MCRIP2: variants seen among roughly 807,000 people sequenced by gnomAD.
The protein encoded by MCRIP2 is MAPK regulated co-repressor interacting protein 2.
Under a neutral mutation model 23.2 loss-of-function variants are expected in MCRIP2, and 21 were observed. The ratio of observed to expected loss-of-function variants is 0.90; its 90% confidence interval spans 0.64 to 1.30. MCRIP2 has a LOEUF of 1.30. Among genes scored for constraint, MCRIP2 ranks in the 50% most tolerant of loss-of-function variants. MCRIP2 has a pLI of 0.00. For missense variants in MCRIP2, 234 were observed against 223.2 expected (o/e 1.05, Z -0.31); for synonymous variants, 121 against 100.2 (o/e 1.21, Z -1.24).
intron 2 of MCRIP2, among the ~76,000 whole-genome samples, chr16:644,428 G>C (rs8049999): frequency 0.047 from 7,116 of 151,998 alleles, 458 homozygotes; most frequent in African/African-American, 0.15. Context: ...CACCCACCTC[G>C]CTGTTTTTTA....
rs1344731999 is a variant in MCRIP2 at position 646,209 on chromosome 16, T to C, written c.183-1208T>C. 3 of 152,240 alleles carry C rather than the reference T, an allele frequency of 2.0e-5. No individual in the cohort carries two copies. Among genetic ancestry groups the C allele is most frequent in the Non-Finnish European group, 4.4e-5 (3 of 68,046 alleles). 9.4% of individuals were successfully genotyped at this position (152,240 alleles called of 1,614,324 possible). A position where few individuals can be genotyped will look rare whatever the true frequency, so the allele number is the denominator to read the frequency against. ...GGCAATGTTCTTGTCTTCTTAGACA[T>C]TGATAATCCAACCTCCAAGCTTTCT... On this transcript the variant is annotated intron_variant, in intron 2 of 4. Transcript: ENST00000307650. This position sits in a 1 kb window ranked among gnomAD's most constrained non-coding sequence, Gnocchi z 6.5.
Position 648,303 on chromosome 16 carries a change from C to T in MCRIP2, c.*113C>T, listed in dbSNP as rs892595927. ...GTGCCGGCCACACCTGAAGTGCCAG[C>T]ATTTGGACTTTTGCACCTTTTTTTC... On this transcript the variant is annotated 3_prime_UTR_variant, in exon 5 of 5. Transcript: ENST00000307650. 7.3e-6 allele frequency: 8 copies of T among 1,101,518 alleles called. No individual in the cohort carries two copies. In the African/African-American group the frequency reaches 1.2e-4, roughly 17 times the overall value. 68.2% of individuals were successfully genotyped at this position (1,101,518 alleles called of 1,614,324 possible). A position where few individuals can be genotyped will look rare whatever the true frequency, so the allele number is the denominator to read the frequency against.
chr16:644,657 A>G (rs1272006800), intron 2 of MCRIP2, among the ~76,000 whole-genome samples: 2 of 152,000 alleles, frequency 1.3e-5, no homozygotes, highest in Non-Finnish European at 2.9e-5. Context: ...CCAGGGTAGT[A>G]TTCAATTCCT....
chr16:648,021 G>A (rs552460180), intron 4 of MCRIP2, 99 bp from the exon 5 acceptor site: 542 of 1,296,456 alleles, frequency 4.2e-4, no homozygotes, highest in Admixed American at 1.1e-3. Flanking sequence ...AGCGCCTGCC[G>A]CACTCGGAGT....
intron 1 of MCRIP2, 25 bp from the exon 2 acceptor site, chr16:642,095 G>A: frequency 3.0e-6 from 4 of 1,323,762 alleles, no homozygotes; most frequent in South Asian, 2.0e-5. Flanking sequence ...CGCGGCGGCG[G>A]CTGACCGCCC....
chr16:643,540 CTTTTTTTTTT>C (rs869168510), intron 2 of MCRIP2, among the ~76,000 whole-genome samples: 14 of 119,426 alleles, frequency 1.2e-4, no homozygotes, highest in African/African-American at 4.5e-4. Flanking sequence ...GCTGTTGTCT[CTTTTTTTTTT>C]TTTTTTTTTT....
intron 3 of MCRIP2, 77 bp downstream of exon 3, chr16:647,621 G>A: frequency 1.3e-6 from 2 of 1,582,628 alleles, no homozygotes; most frequent in Non-Finnish European, 8.6e-7. Context: ...CCCACTTCAA[G>A]CTGACCCACA....
rs1273598190 is a variant in MCRIP2, at chr16:646,197, T to C, written c.183-1220T>C. On this transcript the variant is annotated intron_variant, in intron 2 of 4. Transcript: ENST00000307650. This position sits in a 1 kb window ranked among gnomAD's most constrained non-coding sequence, Gnocchi z 6.5. ...TTCACAGCCCCTGGCAATGTTCTTG[T>C]CTTCTTAGACATTGATAATCCAACC... 1 of 152,226 alleles carries C rather than the reference T, an allele frequency of 6.6e-6. No homozygotes were observed. The highest frequency in any genetic ancestry group is 1.5e-5 in the Non-Finnish European group (1 of 68,042). The allele number at this position is 152,226 out of a possible 1,614,324, so 9.4% of individuals were successfully genotyped here.
chr16:645,127 T>G (rs1368514615), intron 2 of MCRIP2: 1 of 151,988 alleles, frequency 6.6e-6, no homozygotes, highest in Non-Finnish European at 1.5e-5. Flanking sequence ...CCCGGCTAAT[T>G]TTTTTGTGTT....
chr16:641,931 G>A lies in MCRIP2; in HGVS notation c.-61G>A. 1.6e-6 allele frequency: 2 copies of A among 1,268,416 alleles called. No homozygotes were observed. The highest frequency in any genetic ancestry group is 3.3e-5 in the East Asian group (1 of 30,736). 78.6% of individuals were successfully genotyped at this position (1,268,416 alleles called of 1,614,324 possible). A position where few individuals can be genotyped will look rare whatever the true frequency, so the allele number is the denominator to read the frequency against. On this transcript the variant is annotated 5_prime_UTR_variant, in exon 1 of 5. Transcript: ENST00000307650. Reference sequence around the variant, plus strand: ...GCGGCGCCCGCAGTCCGTTAAGTGCGAGCCCCGGCGCAGGGGCCGGATCTG... The same window carrying A: ...GCGGCGCCCGCAGTCCGTTAAGTGCAAGCCCCGGCGCAGGGGCCGGATCTG...
intron 2 of MCRIP2, chr16:645,880 T>G (rs1442778903): frequency 6.6e-6 from 1 of 152,220 alleles, no homozygotes; most frequent in Middle Eastern, 3.1e-3. Flanking sequence ...CCACCCAGCA[T>G]GTAATATGCT....
chr16:645,161 G>C (rs1393325384), intron 2 of MCRIP2: 1 of 151,918 alleles, frequency 6.6e-6, no homozygotes, highest in Non-Finnish European at 1.5e-5. Flanking sequence ...GGGTTTCACC[G>C]TGTTAGCCAG....
At position 642,030 on chromosome 16, in the gene MCRIP2, G is replaced by T; in HGVS notation, c.39G>T (p.Ala13=). The change falls in exon 1 of 5, where the codon GCG becomes GCT. Residue 13 remains alanine, a synonymous_variant. Coordinates refer to ENST00000307650, the MANE Select transcript of MCRIP2 (RefSeq NM_138418.4). ...CCAAGGGGCCCAGCAAGCTGGTCGC[G>T]CAGCGCCGCACAGGTGCGCACGGGC... The part of the protein sequence containing the change: ...TITKGPSKLV[A]QRRTGPTQQQ... The T allele has an allele frequency of 7.6e-7, 1 of 1,322,934 alleles. No individual in the cohort carries two copies. The highest frequency in any genetic ancestry group is 9.6e-7 in the Non-Finnish European group (1 of 1,038,912). 81.9% of individuals were successfully genotyped at this position (1,322,934 alleles called of 1,614,324 possible). A position where few individuals can be genotyped will look rare whatever the true frequency, so the allele number is the denominator to read the frequency against.
In MCRIP2 at chr16:641,860, G is replaced by C; in HGVS notation, c.-132G>C. ...GTCCGGGGTCAGCCCGAGCCCGTGC[G>C]GGCCCTTTAAGGGCCGGGGGCGTGT... On this transcript the variant is annotated 5_prime_UTR_variant, in exon 1 of 5. Transcript: ENST00000307650. 1 of 793,816 alleles carries C rather than the reference G, an allele frequency of 1.3e-6. No individual in the cohort carries two copies. Among genetic ancestry groups the C allele is most frequent in the Non-Finnish European group, 1.7e-6 (1 of 593,632 alleles). 49.2% of individuals were successfully genotyped at this position (793,816 alleles called of 1,614,324 possible).
At chr16:645,291 C>G (rs1420507402) in intron 2 of MCRIP2, 1 of 151,132 alleles carries the variant, frequency 6.6e-6, no homozygotes, top group Non-Finnish European at 1.5e-5. Flanking sequence ...GAGTCTTGCT[C>G]TGTTGCCAGG....
chr16:642,166 A>G lies in MCRIP2; in HGVS notation c.99A>G (p.Lys33=). Residue 33 remains lysine, a synonymous_variant, in exon 2 of 5, where the codon AAA becomes AAG. Transcript: ENST00000307650. ...AGGGCCGGCTCGGCGAGCTCCTGAA[A>G]TGCCGGCAGCCCGCGCCGCCGACCT... ...QVEGRLGELL[K]CRQPAPPTSQ... The G allele has an allele frequency of 7.4e-7, 1 of 1,356,686 alleles. No homozygotes were observed. Among genetic ancestry groups the G allele is most frequent in the Non-Finnish European group, 9.5e-7 (1 of 1,050,788 alleles). The allele number at this position is 1,356,686 out of a possible 1,614,324, so 84.0% of individuals were successfully genotyped here.
intron 2 of MCRIP2, among the ~76,000 whole-genome samples, chr16:644,567 TC>T (rs1186423237): frequency 6.6e-6 from 1 of 152,042 alleles, no homozygotes; most frequent in South Asian, 2.1e-4. Flanking sequence ...CCTCTCGACT[TC>T]CTGAGTAGCT....
chr16:644,943 CTTGGT>C (rs2037439729), intron 2 of MCRIP2, among the ~76,000 whole-genome samples: 1 of 151,880 alleles, frequency 6.6e-6, no homozygotes, highest in Admixed American at 6.6e-5. Flanking sequence ...CCAGATAAAC[CTTGGT>C]TTGTTTTTTT....
Position 641,836 on chromosome 16 carries a change from TCCGGGGTCAGC to T in MCRIP2, c.-152_-142del, listed in dbSNP as rs2037342360. 1 of 618,174 alleles carries T rather than the reference TCCGGGGTCAGC, an allele frequency of 1.6e-6. No homozygotes were observed. The highest frequency in any genetic ancestry group is 8.3e-5 in the South Asian group (1 of 12,092). The allele number at this position is 618,174 out of a possible 1,614,324, so 38.3% of individuals were successfully genotyped here. ...GCGCAAGCGCCGCCTCCGCCGCGTG[TCCGGGGTCAGC>T]CCGAGCCCGTGCGGGCCCTTTAAGG... On this transcript the variant is annotated 5_prime_UTR_variant, in exon 1 of 5. Transcript: ENST00000307650.
Sources: gnomAD v4.1 joint callset for allele counts (sites outside exome capture counted in the v4.1 genomes callset) on GRCh38, gnomAD v4.1.1 for gene constraint, Gnocchi (gnomAD v3.1) non-coding constraint, MANE v1.5 for transcripts, NCBI Gene and HGNC (gene_info 2026-07-23, HGNC 2026-07-21) for gene names.